Variants in IL6 observed in about 807,000 individuals in gnomAD.
IL6 encodes interleukin 6.
A neutral mutation model predicts 18.0 loss-of-function variants in IL6; 5 were observed. The observed-to-expected ratio is 0.28, with a 90% CI of 0.15 to 0.58. IL6 has a LOEUF of 0.58. Among genes scored for constraint, IL6 ranks in the 20% least tolerant of loss-of-function variants. The pLI, the probability that IL6 is intolerant of heterozygous loss-of-function variation, is 0.90. For synonymous variants in IL6, 97 were observed against 95.1 expected (o/e 1.02, Z -0.12); for missense variants, 266 against 251.0 (o/e 1.06, Z -0.40).
rs754355352 is a variant in IL6, at chr7:22,729,663, G to T, written c.471+3G>T. On this transcript the variant is annotated splice_donor_region_variant and intron_variant, in intron 4 of 4. Transcript: ENST00000258743. ...TGATCCAGTTCCTGCAGAAAAAGGT[G>T]GGTGTGTCCTCATTCCCTCAACTTG... The T allele has an allele frequency of 1.9e-6, 3 of 1,614,204 alleles. No homozygotes were observed. Among genetic ancestry groups the T allele is most frequent in the East Asian group, 2.2e-5 (1 of 44,884 alleles).
At chr7:22,730,742 C>T (rs1165893682) in intron 4 of IL6, among the ~76,000 whole-genome samples, 2 of 152,238 alleles carry the variant, frequency 1.3e-5, no homozygotes, top group East Asian at 1.9e-4. Context: ...CTTGGTGGCT[C>T]ATGCCTGTAT....
intron 4 of IL6, 146 bp downstream of exon 4, chr7:22,729,806 A>G (rs1380312915): frequency 1.3e-6 from 2 of 1,537,042 alleles, no homozygotes; most frequent in Non-Finnish European, 1.8e-6. Context: ...TCTGATTGTT[A>G]TTGTTAAATC....
At chr7:22,727,861 C>T (rs567328029) in intron 2 of IL6, among the ~76,000 whole-genome samples, 1 of 152,260 alleles carries the variant, frequency 6.6e-6, no homozygotes, top group East Asian at 1.9e-4. Context: ...AAATCCATGC[C>T]CACCTTTGGC....
intron 4 of IL6, chr7:22,730,419 T>G: frequency 1.7e-5 from 5 of 301,404 alleles, no homozygotes; most frequent in Non-Finnish European, 2.4e-5. Context: ...ATATCCCTGG[T>G]GATGCTGCAG....
chr7:22,730,959 A>G (rs997386010), intron 4 of IL6, among the ~76,000 whole-genome samples: 7 of 152,140 alleles, frequency 4.6e-5, no homozygotes, highest in Admixed American at 2.6e-4. Context: ...GGTTGCTGTG[A>G]GCCAGGCACA....
Position 22,728,703 on chromosome 7 carries a change from A to C in IL6, c.221A>C (p.Lys74Thr). ...ISALRKETCN[K>T]SNMCESSKEA... ...GGTATTCTTTCCCAGACATGTAACA[A>C]GAGTAACATGTGTGAAAGCAGCAAA... The change falls in exon 3 of 5, where the codon AAG (lysine) becomes ACG (threonine). Residue 74 changes from lysine to threonine, a missense_variant. Lys to Thr is a moderately conservative substitution (Grantham distance 78, BLOSUM62 -1). Coordinates refer to ENST00000258743, the MANE Select transcript of IL6 (RefSeq NM_000600.5). The C allele has an allele frequency of 1.3e-6, 2 of 1,592,344 alleles. No individual in the cohort carries two copies. The highest frequency in any genetic ancestry group is 1.7e-6 in the Non-Finnish European group (2 of 1,160,072).
intron 4 of IL6, 71 bp from the exon 5 acceptor site, chr7:22,731,335 C>G: frequency 1.9e-5 from 23 of 1,240,450 alleles, no homozygotes; most frequent in Non-Finnish European, 2.5e-5. Flanking sequence ...TCCCATAGCC[C>G]AGAGCATCCC....
At chr7:22,729,221 C>T (rs1180312127) in intron 3 of IL6, among the ~76,000 whole-genome samples, 1 of 152,134 alleles carries the variant, frequency 6.6e-6, no homozygotes. Flanking sequence ...TCCAGCCCAG[C>T]ATTAACAAGG....
chr7:22,728,826 A>C lies in IL6; in HGVS notation c.324+20A>C. The C allele has an allele frequency of 7.2e-7, 1 of 1,390,560 alleles. No homozygotes were observed. The highest frequency in any genetic ancestry group is 1.0e-6 in the Non-Finnish European group (1 of 976,598). 86.1% of individuals were successfully genotyped at this position (1,390,560 alleles called of 1,614,324 possible). On this transcript the variant is annotated intron_variant, in intron 3 of 4. Coordinates refer to ENST00000258743, the MANE Select transcript of IL6 (RefSeq NM_000600.5). ...AATGAGGTACCAACTTGTCGCACTC[A>C]CTTTTCACTATTCCTTAGGCAAAAC...
At chr7:22,729,066 G>A (rs3087235) in intron 3 of IL6, among the ~76,000 whole-genome samples, 1 of 152,198 alleles carries the variant, frequency 6.6e-6, no homozygotes, top group African/African-American at 2.4e-5. Context: ...GGTTTAATTA[G>A]TTCATCCTGG....
intron 2 of IL6, 108 bp downstream of exon 2, chr7:22,727,742 G>A (rs1249304463): frequency 7.8e-7 from 1 of 1,282,520 alleles, no homozygotes. Flanking sequence ...CTGGGTTCTA[G>A]AGCACTGTAG....
intron 3 of IL6, 152 bp from the exon 4 acceptor site, chr7:22,729,362 G>A (rs1335172037): frequency 1.5e-6 from 1 of 687,686 alleles, no homozygotes; most frequent in East Asian, 2.5e-5. Flanking sequence ...TTAAAATGGT[G>A]CTGTCCAATG....
chr7:22,727,274 C>T lies in IL6; in HGVS notation c.12C>T (p.Phe4=), dbSNP rs1375185255. 6.2e-7 allele frequency: 1 copy of T among 1,613,932 alleles called. No homozygotes were observed. The highest frequency in any genetic ancestry group is 2.2e-5 in the East Asian group (1 of 44,868). ...CCAGGAGCCCAGCTATGAACTCCTT[C>T]TCCACAAGTAAGTGCAGGAAATCCT... MNS[F]STSAFGPVAF... is the part of the protein sequence containing the mutation. The change falls in exon 1 of 5, where the codon TTC becomes TTT. Residue 4 remains phenylalanine (F), a synonymous_variant. Transcript: ENST00000258743.
chr7:22,730,274 C>T, intron 4 of IL6: 1 of 985,372 alleles, frequency 1.0e-6, no homozygotes, highest in Non-Finnish European at 1.2e-6. Context: ...GCTGATCCTG[C>T]CTCTGCCATT....
intron 4 of IL6, among the ~76,000 whole-genome samples, chr7:22,730,821 T>G (rs1784111417): frequency 6.6e-6 from 1 of 152,108 alleles, no homozygotes; most frequent in African/African-American, 2.4e-5. Flanking sequence ...AAGACCAGCC[T>G]GGATAACATA....
At chr7:22,730,779 A>T (rs1784110793) in intron 4 of IL6, among the ~76,000 whole-genome samples, 1 of 152,142 alleles carries the variant, frequency 6.6e-6, no homozygotes, top group South Asian at 2.1e-4. Flanking sequence ...GCCTAAGGTG[A>T]GAACTCCTTG....
intron 4 of IL6, 45 bp downstream of exon 4, chr7:22,729,705 G>C (rs199600878): frequency 6.2e-7 from 1 of 1,613,842 alleles, no homozygotes; most frequent in African/African-American, 1.3e-5. Context: ...GGGAAGACAG[G>C]CTCAAAGACA....
At chr7:22,728,858 C>T (rs771443243) in intron 3 of IL6, 52 bp downstream of exon 3, 6 of 1,000,840 alleles carry the variant, frequency 6.0e-6, no homozygotes, top group Non-Finnish European at 8.0e-6. Flanking sequence ...AAACTTCTCC[C>T]TCTTGCATGC....
chr7:22,727,276 C>T lies in IL6; in HGVS notation c.14C>T (p.Ser5Phe), dbSNP rs1224052258. Residue 5 changes from serine to phenylalanine, a missense_variant, in exon 1 of 5, where the codon TCC becomes TTC. Physicochemically the swap from Ser to Phe is radical, Grantham distance 155. Transcript: ENST00000258743. The stretch of plus-strand genomic sequence containing the variant: ...AGGAGCCCAGCTATGAACTCCTTCT[C>T]CACAAGTAAGTGCAGGAAATCCTTA... MNSF[S>F]TSAFGPVAFS... 14 of 1,613,860 alleles carry T rather than the reference C, an allele frequency of 8.7e-6. No homozygotes were observed. The Admixed American group carries it at 2.2e-4, about 25-fold the overall frequency.
Sources: gnomAD v4.1 joint callset for allele counts (sites outside exome capture counted in the v4.1 genomes callset) on GRCh38, gnomAD v4.1.1 for gene constraint, MANE v1.5 for transcripts, NCBI Gene and HGNC (gene_info 2026-07-23, HGNC 2026-07-21) for gene names.